The following UST variants were observed in gnomAD, a reference collection of about 807,000 sequenced individuals.
UST encodes the protein uronyl 2-sulfotransferase, also known as chondroitin sulfate 2-O-sulfotransferase.
A neutral mutation model predicts 45.6 loss-of-function variants in UST; 21 were observed. The observed-to-expected ratio is 0.46, with a 90% CI of 0.33 to 0.66. The LOEUF is 0.66. UST is among the 30% of genes least tolerant of loss of function. The probability of loss-of-function intolerance (pLI) is 0.02; values close to 1 mark genes in which losing one functional copy is unlikely to be tolerated. For missense variants in UST, 463 were observed against 512.4 expected (o/e 0.90, Z 0.93); for synonymous variants, 215 against 200.6 (o/e 1.07, Z -0.61).
rs550917203 is a variant in UST, at chr6:148,777,291, T to C, written c.247+29614T>C. Among the ~76,000 whole-genome samples, 22 of 152,354 alleles carry C rather than the reference T, an allele frequency of 1.4e-4. No homozygotes were observed. In the South Asian group the frequency reaches 4.6e-3, roughly 32 times the overall value. On this transcript the variant is annotated intron_variant, in intron 1 of 7. Transcript: ENST00000367463. ...GTTCTACATAAGCAAGCCTGATGGA[T>C]GACTCTGAATAAGTAAATAAGATTT... is the stretch of plus-strand genomic sequence containing the variant.
At position 149,000,898 on chromosome 6, in the gene UST, G is replaced by T. The variant is rs1025126599; in HGVS notation, c.682-18241G>T. Among the ~76,000 whole-genome samples the T allele has an allele frequency of 1.4e-4, 22 of 152,084 alleles. 1 individual carries two copies. The highest frequency in any genetic ancestry group is 2.9e-5 in the Non-Finnish European group (2 of 68,004). On this transcript the variant is annotated intron_variant, in intron 5 of 7. Coordinates refer to ENST00000367463, the MANE Select transcript of UST (RefSeq NM_005715.3). ...AAAATAGTCAAGAGGAATTCACCAA[G>T]AATGGAATTCAGAAACAGATAGACA...
chr6:149,017,835 C>CACACAA, intron 5 of UST, among the ~76,000 whole-genome samples: 1 of 143,222 alleles, frequency 7.0e-6, no homozygotes, highest in East Asian at 2.1e-4. Flanking sequence ...CACACACACA[C>CACACAA]ACATCTGTCA....
At chr6:148,856,421 G>A (rs73003171) in intron 1 of UST, among the ~76,000 whole-genome samples, 2,063 of 152,290 alleles carry the variant, frequency 0.014, 30 homozygotes, top group Admixed American at 0.026. Flanking sequence ...TCAGCATAAC[G>A]TAGTGCAATA....
At chr6:149,039,340 C>A (rs1002825710) in intron 7 of UST, among the ~76,000 whole-genome samples, 1 of 152,154 alleles carries the variant, frequency 6.6e-6, no homozygotes, top group Non-Finnish European at 1.5e-5. Flanking sequence ...GATTCTCCTG[C>A]CTCAGCCTCC....
chr6:148,973,469 T>G (rs1246679818), intron 5 of UST, among the ~76,000 whole-genome samples: 1 of 152,260 alleles, frequency 6.6e-6, no homozygotes, highest in Non-Finnish European at 1.5e-5. Context: ...ATGTAAATGC[T>G]AAATTAAAAG....
intron 2 of UST, among the ~76,000 whole-genome samples, chr6:148,937,952 A>G (rs1327491424): frequency 6.6e-6 from 1 of 152,212 alleles, no homozygotes; most frequent in East Asian, 1.9e-4. Context: ...ACCTAATTCA[A>G]CCTTCCTGAT....
intron 7 of UST, among the ~76,000 whole-genome samples, chr6:149,063,138 C>T (rs1209114239): frequency 1.3e-5 from 2 of 152,192 alleles, no homozygotes; most frequent in East Asian, 1.9e-4. Flanking sequence ...TCCCCAGGGA[C>T]AGCGCAGAGC....
rs901671956 is a variant in UST at position 148,854,080 on chromosome 6, G to T, written c.248-32906G>T. ...AGTTGACAGAAAAACAAACAAAAAG[G>T]TTTTTTTAAATAAAAAAGCAAGCCT... On this transcript the variant is annotated intron_variant, in intron 1 of 7. Coordinates refer to ENST00000367463, the MANE Select transcript of UST (RefSeq NM_005715.3). 4.1e-4 allele frequency among the ~76,000 whole-genome samples: 62 copies of T among 152,094 alleles called. 1 individual carries two copies. The highest frequency in any genetic ancestry group is 3.3e-3 in the Admixed American group (50 of 15,264).
chr6:148,774,558 C>G (rs1045247602), intron 1 of UST, among the ~76,000 whole-genome samples: 2 of 151,984 alleles, frequency 1.3e-5, no homozygotes, highest in East Asian at 3.8e-4. Context: ...ATAGTTTTGT[C>G]ATGTAGAAAT....
At chr6:149,017,511 CTG>C (rs952236874) in intron 5 of UST, among the ~76,000 whole-genome samples, 2 of 152,166 alleles carry the variant, frequency 1.3e-5, no homozygotes, top group Non-Finnish European at 2.9e-5. Context: ...CAATCGTGTG[CTG>C]TGTCTCCTTC....
chr6:148,894,829 T>TTC, intron 2 of UST, among the ~76,000 whole-genome samples: 1 of 106,150 alleles, frequency 9.4e-6, no homozygotes, highest in East Asian at 3.0e-4. Flanking sequence ...TTTTTTTTTT[T>TTC]TTTTTTTGAG....
chr6:148,984,122 C>T (rs1248387417), intron 5 of UST, among the ~76,000 whole-genome samples: 1 of 152,208 alleles, frequency 6.6e-6, no homozygotes, highest in Non-Finnish European at 1.5e-5. Flanking sequence ...AATGTTTAGA[C>T]TACTTATATT....
chr6:148,983,674 A>T (rs1161458280), intron 5 of UST, among the ~76,000 whole-genome samples: 1 of 152,224 alleles, frequency 6.6e-6, no homozygotes, highest in African/African-American at 2.4e-5. Flanking sequence ...GTCAAGAAGA[A>T]ATTTGTGAAG....
intron 1 of UST, among the ~76,000 whole-genome samples, chr6:148,788,960 T>C (rs1333572938): frequency 6.6e-6 from 1 of 152,206 alleles, no homozygotes; most frequent in Non-Finnish European, 1.5e-5. Flanking sequence ...TTTGTGGTAT[T>C]TATGTTGTAA....
At chr6:149,032,073 C>T (rs981390888) in intron 7 of UST, among the ~76,000 whole-genome samples, 2 of 152,216 alleles carry the variant, frequency 1.3e-5, no homozygotes, top group Admixed American at 6.5e-5. Flanking sequence ...GGCTCACTCA[C>T]CCTGCCTTTA....
chr6:148,911,964 A>AGG (rs946880802), intron 2 of UST, among the ~76,000 whole-genome samples: 1 of 152,188 alleles, frequency 6.6e-6, no homozygotes, highest in Admixed American at 6.5e-5. Flanking sequence ...TGTGAGACTA[A>AGG]GGGGGGCAGA....
rs1262826212 is a variant in UST at position 148,870,980 on chromosome 6, A to G, written c.248-16006A>G. ...CAATGGCTGTGTCCCTCTAAAATCT[A>G]TATATTGAAGCCCTAACCCCCAGTG... On this transcript the variant is annotated intron_variant, in intron 1 of 7. Coordinates refer to ENST00000367463, the MANE Select transcript of UST (RefSeq NM_005715.3). 2.6e-5 allele frequency among the ~76,000 whole-genome samples: 4 copies of G among 152,046 alleles called. 1 individual carries two copies. Among genetic ancestry groups the G allele is most frequent in the South Asian group, 4.2e-4 (2 of 4,816 alleles).
At chr6:148,858,873 C>G (rs1156726862) in intron 1 of UST, among the ~76,000 whole-genome samples, 1 of 152,154 alleles carries the variant, frequency 6.6e-6, no homozygotes, top group Non-Finnish European at 1.5e-5. Flanking sequence ...GTATATGTGC[C>G]ACATTTTTTT....
Position 149,074,242 on chromosome 6 carries a change from G to A in UST, c.*126G>A. On this transcript the variant is annotated 3_prime_UTR_variant, in exon 8 of 8. Coordinates refer to ENST00000367463, the MANE Select transcript of UST (RefSeq NM_005715.3). ...TAAAAAGAACAAAACATTCCCACAT[G>A]TTGGGGTCATTGGGAGATGCCCGGT... 2.7e-6 allele frequency: 3 copies of A among 1,096,282 alleles called. No individual in the cohort carries two copies. The highest frequency in any genetic ancestry group is 3.9e-6 in the Non-Finnish European group (3 of 770,956). 67.9% of individuals were successfully genotyped at this position (1,096,282 alleles called of 1,614,324 possible).
Sources: allele counts gnomAD v4.1 joint callset (sites outside exome capture counted in the v4.1 genomes callset), GRCh38; gene constraint gnomAD v4.1.1; transcripts MANE v1.5; gene names NCBI Gene and HGNC (gene_info 2026-07-23, HGNC 2026-07-21).